RAB8B: variants seen among roughly 807,000 people sequenced by gnomAD.
RAB8B encodes the protein RAB8B, member RAS oncogene family, also known as ras-related protein Rab-8B.
In RAB8B, 11 loss-of-function variants were observed where a neutral mutation model predicts 32.0. The ratio of observed to expected loss-of-function variants is 0.34; its 90% CI spans 0.22 to 0.57. The LOEUF is 0.57. RAB8B is among the 20% of genes least tolerant of loss of function. The pLI is 0.86. For synonymous variants in RAB8B, 103 were observed against 89.6 expected, an observed-to-expected ratio of 1.15 and a Z score of -0.85; for missense variants, 190 against 258.5, an observed-to-expected ratio of 0.73 and a Z score of 1.82.
intron 1 of RAB8B, among the ~76,000 whole-genome samples, chr15:63,238,248 G>T (rs186483379): frequency 1.9e-4 from 29 of 151,618 alleles, no homozygotes; most frequent in Admixed American, 1.7e-3. Flanking sequence ...AAAAAAAGTT[G>T]CTCCCTTACT....
At chr15:63,205,540 A>G (rs2037691214) in intron 1 of RAB8B, among the ~76,000 whole-genome samples, 2 of 152,078 alleles carry the variant, frequency 1.3e-5, no homozygotes, top group South Asian at 2.1e-4. Flanking sequence ...ACGGGATGAT[A>G]TGTGGTAGGG....
intron 1 of RAB8B, among the ~76,000 whole-genome samples, chr15:63,195,904 A>G (rs2037596177): frequency 6.6e-6 from 1 of 152,192 alleles, no homozygotes; most frequent in South Asian, 2.1e-4. Context: ...ATTCAAGGTA[A>G]GATTGTAGAT....
At chr15:63,201,430 C>T (rs943302902) in intron 1 of RAB8B, among the ~76,000 whole-genome samples, 1 of 152,134 alleles carries the variant, frequency 6.6e-6, no homozygotes, top group Non-Finnish European at 1.5e-5. Context: ...GATAGCATAG[C>T]CCTTGAAGGA....
Position 63,218,859 on chromosome 15 carries a change from C to T in RAB8B, c.125-25897C>T, listed in dbSNP as rs151034526. On this transcript the variant is annotated intron_variant, in intron 1 of 7. Transcript: ENST00000321437. The stretch of plus-strand genomic sequence containing the variant: ...CTGCTTGTTAATATGTTACTTTACT[C>T]ACAAAATAGGAAGAAAAAAAAACAC... Among the ~76,000 whole-genome samples, 87 of 151,744 alleles carry T rather than the reference C, an allele frequency of 5.7e-4. 1 individual carries two copies. In the East Asian group the frequency reaches 0.016, roughly 28 times the overall value.
chr15:63,260,748 A>T (rs1159140986), intron 6 of RAB8B, among the ~76,000 whole-genome samples: 1 of 152,102 alleles, frequency 6.6e-6, no homozygotes, highest in Non-Finnish European at 1.5e-5. Flanking sequence ...ACATTTTTTC[A>T]ACTGATCATA....
intron 1 of RAB8B, among the ~76,000 whole-genome samples, chr15:63,199,458 T>A (rs138626410): frequency 2.0e-5 from 3 of 152,186 alleles, no homozygotes; most frequent in African/African-American, 7.2e-5. Context: ...GTTGTTGCAT[T>A]CCCTATTTTG....
At chr15:63,253,439 T>C (rs901023182) in intron 3 of RAB8B, among the ~76,000 whole-genome samples, 3 of 152,128 alleles carry the variant, frequency 2.0e-5, no homozygotes, top group Non-Finnish European at 2.9e-5. Flanking sequence ...ATTTTGAGTA[T>C]AAAGGAGAGG....
At chr15:63,227,559 G>A (rs2037899352) in intron 1 of RAB8B, among the ~76,000 whole-genome samples, 1 of 152,186 alleles carries the variant, frequency 6.6e-6, no homozygotes, top group Admixed American at 6.5e-5. Flanking sequence ...ACAAGTTGAT[G>A]TTCAATTTTG....
intron 2 of RAB8B, among the ~76,000 whole-genome samples, chr15:63,249,299 C>G (rs2038095894): frequency 6.6e-6 from 1 of 152,188 alleles, no homozygotes; most frequent in African/African-American, 2.4e-5. Context: ...TTATAACTAT[C>G]TCGGGGAGTC....
intron 3 of RAB8B, among the ~76,000 whole-genome samples, chr15:63,255,101 T>G (rs898990692): frequency 6.6e-6 from 1 of 152,066 alleles, no homozygotes; most frequent in Non-Finnish European, 1.5e-5. Flanking sequence ...AGTAGAAGAG[T>G]AGAAAGCAAG....
At chr15:63,195,146 C>T (rs1011214765) in intron 1 of RAB8B, among the ~76,000 whole-genome samples, 2 of 151,660 alleles carry the variant, frequency 1.3e-5, no homozygotes, top group African/African-American at 4.8e-5. Context: ...CATGCAAGTT[C>T]ATATTGAACA....
chr15:63,202,277 C>CAAAAAGA (rs1160553212), intron 1 of RAB8B, among the ~76,000 whole-genome samples: 11 of 81,858 alleles, frequency 1.3e-4, no homozygotes, highest in Admixed American at 1.2e-3. Context: ...GACTCCGTCT[C>CAAAAAGA]AAAAAGAAAA....
At chr15:63,253,277 T>C (rs1177974026) in intron 3 of RAB8B, among the ~76,000 whole-genome samples, 1 of 152,188 alleles carries the variant, frequency 6.6e-6, no homozygotes, top group African/African-American at 2.4e-5. Flanking sequence ...CTGAGAGATA[T>C]ATTCTGTTAA....
intron 1 of RAB8B, among the ~76,000 whole-genome samples, chr15:63,206,764 C>T (rs2037701483): frequency 6.6e-6 from 1 of 152,120 alleles, no homozygotes; most frequent in Non-Finnish European, 1.5e-5. Flanking sequence ...ACCCATCTCC[C>T]CTTTCTCCTT....
intron 1 of RAB8B, among the ~76,000 whole-genome samples, chr15:63,233,174 T>A (rs2141129459): frequency 6.6e-6 from 1 of 151,478 alleles, no homozygotes; most frequent in South Asian, 2.1e-4. Context: ...ATCCGCTCAC[T>A]TCAGCCTCCC....
At chr15:63,209,523 G>A (rs1014751019) in intron 1 of RAB8B, among the ~76,000 whole-genome samples, 5 of 150,992 alleles carry the variant, frequency 3.3e-5, no homozygotes, top group Non-Finnish European at 5.9e-5. Flanking sequence ...CCCGGGAGGC[G>A]GAGGTTGCAG....
At chr15:63,261,273 C>T (rs1268160263) in intron 6 of RAB8B, among the ~76,000 whole-genome samples, 1 of 152,108 alleles carries the variant, frequency 6.6e-6, no homozygotes, top group Admixed American at 6.5e-5. Context: ...TAGGCAATAA[C>T]AAATGCTGGA....
At position 63,248,863 on chromosome 15, in the gene RAB8B, A is replaced by G. The variant is rs576279676; in HGVS notation, c.186-782A>G. Among the ~76,000 whole-genome samples, 2 of 152,276 alleles carry G rather than the reference A, an allele frequency of 1.3e-5. No individual in the cohort carries two copies. The highest frequency in any genetic ancestry group is 4.1e-4 in the South Asian group (2 of 4,820). On this transcript the variant is annotated intron_variant, in intron 2 of 7. Transcript: ENST00000321437. The surrounding 1 kb of genome is among the most constrained non-coding windows in gnomAD (Gnocchi z 4.4). ...ATTGTCTTAGTAGCACAGGGAATGA[A>G]TTAGTTCTGGCTGGAAGTGGGAAAT...
chr15:63,222,910 C>A, intron 1 of RAB8B: 1 of 298,666 alleles, frequency 3.3e-6, no homozygotes, highest in Non-Finnish European at 6.6e-6. Context: ...TAATGTTGTA[C>A]TACAGTTACC....
Sources: allele counts gnomAD v4.1 joint callset (sites outside exome capture counted in the v4.1 genomes callset), GRCh38; gene constraint gnomAD v4.1.1; non-coding constraint Gnocchi (gnomAD v3.1); transcripts MANE v1.5; gene names NCBI Gene and HGNC (gene_info 2026-07-23, HGNC 2026-07-21).